The following GLDC variants were observed in gnomAD, a reference collection of about 807,000 sequenced individuals.
GLDC encodes the protein glycine dehydrogenase (decarboxylating), mitochondrial.
Under a neutral mutation model 121.3 loss-of-function variants are expected in GLDC, and 104 were observed. The observed-to-expected ratio is 0.86, with a 90% CI of 0.73 to 1.01. The LOEUF (loss-of-function observed/expected upper bound fraction) is 1.01. Among genes scored for constraint, GLDC ranks in the 50% least tolerant of loss-of-function variants. The pLI, the probability that GLDC is intolerant of heterozygous loss-of-function variation, is 0.00. For missense variants in GLDC, 1,429 were observed against 1,306.6 expected (o/e 1.09, Z -1.44); for synonymous variants, 546 against 480.6 (o/e 1.14, Z -1.78).
Position 6,624,408 on chromosome 9 carries a change from C to T in GLDC, c.335-4089G>A, listed in dbSNP as rs115038345. ...ACAGACACACATGCAAGAAGAATGCCATGTGATGATGGCAGCAGAGACTGG... is the reference window on the plus strand; with the variant it reads ...ACAGACACACATGCAAGAAGAATGCTATGTGATGATGGCAGCAGAGACTGG... On this transcript the variant is annotated intron_variant, in intron 2 of 24. Coordinates refer to ENST00000321612, the MANE Select transcript of GLDC (RefSeq NM_000170.3). Among the ~76,000 whole-genome samples, 680 of 152,218 alleles carry T rather than the reference C, an allele frequency of 4.5e-3. 4 individuals are homozygous for T. The highest frequency in any genetic ancestry group is 0.014 in the African/African-American group (588 of 41,538).
chr9:6,548,615 C>G (rs10975638), intron 21 of GLDC, among the ~76,000 whole-genome samples: 63,681 of 152,000 alleles, frequency 0.42, 13,884 homozygotes, highest in Admixed American at 0.51. Flanking sequence ...AGCTATAGAG[C>G]TACATTCCAC....
At chr9:6,639,547 T>A in intron 2 of GLDC, 1 of 783,192 alleles carries the variant, frequency 1.3e-6, no homozygotes, top group South Asian at 1.3e-5. Flanking sequence ...GAGAAGAAGG[T>A]ATATGTTCGA....
intron 16 of GLDC, among the ~76,000 whole-genome samples, chr9:6,563,207 C>A (rs1024034362): frequency 6.6e-6 from 1 of 152,260 alleles, no homozygotes; most frequent in Non-Finnish European, 1.5e-5. Context: ...TTCTCCTTGG[C>A]CTTTCCAGTT....
chr9:6,558,431 T>A, intron 17 of GLDC, 128 bp downstream of exon 17: 1 of 1,094,830 alleles, frequency 9.1e-7, no homozygotes, highest in Non-Finnish European at 1.4e-6. Flanking sequence ...TAGACTCTGG[T>A]CAAAGGAAGA....
At chr9:6,599,340 A>G (rs924867588) in intron 8 of GLDC, among the ~76,000 whole-genome samples, 3 of 152,188 alleles carry the variant, frequency 2.0e-5, no homozygotes, top group African/African-American at 7.2e-5. Context: ...ACAGCAAGAC[A>G]GGAGCAGTCA....
intron 2 of GLDC, among the ~76,000 whole-genome samples, chr9:6,629,366 C>T (rs1436339695): frequency 6.6e-6 from 1 of 151,906 alleles, no homozygotes; most frequent in Non-Finnish European, 1.5e-5. Flanking sequence ...AGGCACCTGC[C>T]ACCATGCCCG....
intron 24 of GLDC, among the ~76,000 whole-genome samples, chr9:6,533,819 T>C (rs1007751983): frequency 4.6e-5 from 7 of 151,366 alleles, no homozygotes; most frequent in East Asian, 3.9e-4. Flanking sequence ...GATGGTGCCA[T>C]TGCACTCCAG....
chr9:6,604,560 A>C, intron 7 of GLDC, 28 bp downstream of exon 7: 1 of 1,569,480 alleles, frequency 6.4e-7, no homozygotes, highest in Non-Finnish European at 8.8e-7. Context: ...TAATCACAAT[A>C]AAAGTAGAGA....
intron 2 of GLDC, chr9:6,639,708 G>A: frequency 5.6e-6 from 1 of 178,954 alleles, no homozygotes; most frequent in Non-Finnish European, 9.6e-6. Flanking sequence ...AGATTCTGCT[G>A]TGAGGGACTA....
At chr9:6,622,374 T>A (rs1003343678) in intron 2 of GLDC, among the ~76,000 whole-genome samples, 14 of 147,698 alleles carry the variant, frequency 9.5e-5, no homozygotes, top group Non-Finnish European at 1.6e-4. Flanking sequence ...GACGAGTGCC[T>A]GCGATTGCAG....
intron 2 of GLDC, among the ~76,000 whole-genome samples, chr9:6,630,282 A>G (rs1438860350): frequency 2.0e-5 from 3 of 152,134 alleles, no homozygotes; most frequent in Admixed American, 6.6e-5. Context: ...AAAAAAATAA[A>G]TAAATAAAAT....
At chr9:6,613,479 T>A (rs1818902952) in intron 3 of GLDC, among the ~76,000 whole-genome samples, 1 of 152,154 alleles carries the variant, frequency 6.6e-6, no homozygotes, top group African/African-American at 2.4e-5. Flanking sequence ...TAAAAGAAGT[T>A]TTTGTATCTT....
intron 22 of GLDC, among the ~76,000 whole-genome samples, chr9:6,538,214 A>G (rs949092567): frequency 6.6e-6 from 1 of 152,002 alleles, no homozygotes; most frequent in Non-Finnish European, 1.5e-5. Context: ...AGTGGTCCCC[A>G]TATTTTGAAC....
chr9:6,601,263 G>A (rs566330798), intron 8 of GLDC, among the ~76,000 whole-genome samples: 1 of 152,264 alleles, frequency 6.6e-6, no homozygotes, highest in African/African-American at 2.4e-5. Flanking sequence ...CATCACAAAT[G>A]CCCTTGCTTT....
intron 4 of GLDC, among the ~76,000 whole-genome samples, chr9:6,608,184 C>T (rs62569044): frequency 0.046 from 6,966 of 151,354 alleles, 197 homozygotes; most frequent in Non-Finnish European, 0.068. Flanking sequence ...GAGGCCGAGG[C>T]GGGCAGATCA....
At chr9:6,545,867 C>T (rs1248184872) in intron 21 of GLDC, among the ~76,000 whole-genome samples, 1 of 152,178 alleles carries the variant, frequency 6.6e-6, no homozygotes, top group African/African-American at 2.4e-5. Context: ...TCTCGAACTC[C>T]TGAGTTCAAG....
At chr9:6,601,116 T>A (rs1055750742) in intron 8 of GLDC, among the ~76,000 whole-genome samples, 20 of 152,270 alleles carry the variant, frequency 1.3e-4, no homozygotes, top group African/African-American at 4.6e-4. Flanking sequence ...GAGGTTGCAG[T>A]GAGCTGAGAT....
At chr9:6,588,289 G>T in intron 14 of GLDC, 112 bp downstream of exon 14, 2 of 816,930 alleles carry the variant, frequency 2.4e-6, no homozygotes, top group South Asian at 2.7e-5. Flanking sequence ...TATTAAAATA[G>T]TTCTTCAATC....
Position 6,554,687 on chromosome 9 carries a change from C to T in GLDC, c.2297G>A (p.Gly766Asp), listed in dbSNP as rs750384225. ...AACTTACACTCCGATGGGCCCCATG[C>T]CAGGACCACCTCCTCCGTGGGGAAT... is the stretch of plus-strand genomic sequence containing the variant. ...FCIPHGGGGPGMGPIGVKKHL... is the reference protein window; with the variant it reads ...FCIPHGGGGPDMGPIGVKKHL... Residue 766 changes from glycine to aspartate, a missense_variant, in exon 19 of 25, where the codon GGC (glycine) becomes GAC (aspartate). Coordinates refer to ENST00000321612, the MANE Select transcript of GLDC (RefSeq NM_000170.3). 1 of 1,611,472 alleles carries T rather than the reference C, an allele frequency of 6.2e-7. No individual in the cohort carries two copies.
Sources: allele counts gnomAD v4.1 joint callset (sites outside exome capture counted in the v4.1 genomes callset), GRCh38; gene constraint gnomAD v4.1.1; transcripts MANE v1.5; gene names NCBI Gene and HGNC (gene_info 2026-07-23, HGNC 2026-07-21).